The following PTPRT variants were observed in gnomAD, a reference collection of about 807,000 sequenced individuals.
PTPRT encodes the protein protein tyrosine phosphatase receptor type T.
In PTPRT, 56 loss-of-function variants were observed where a neutral mutation model predicts 176.8. The observed-to-expected ratio is 0.32, with a 90% CI of 0.26 to 0.40. The LOEUF (loss-of-function observed/expected upper bound fraction) is 0.40, where lower values mean the gene tolerates loss of function less well. Ranked by LOEUF, PTPRT falls within the 10% of genes least tolerant of loss-of-function variation. The pLI, the probability that PTPRT is intolerant of heterozygous loss-of-function variation, is 1.00. For missense variants in PTPRT, 1,540 were observed against 1,908.2 expected (o/e 0.81, Z 3.60); for synonymous variants, 783 against 739.0 (o/e 1.06, Z -0.96).
the PTPRT span, among the ~76,000 whole-genome samples, chr20:42,064,501 G>T: frequency 1.3e-5 from 2 of 152,042 alleles, no homozygotes; most frequent in East Asian, 3.9e-4. Context: ...TGCTGCTATT[G>T]TGAGTGTAAT....
At chr20:43,001,058 C>T (rs552706499) in intron 1 of PTPRT, among the ~76,000 whole-genome samples, 1 of 152,226 alleles carries the variant, frequency 6.6e-6, no homozygotes, top group African/African-American at 2.4e-5. Context: ...TATTATTCTT[C>T]ACCCAGCCAA....
At chr20:42,589,187 C>T (rs2073525440) in intron 7 of PTPRT, among the ~76,000 whole-genome samples, 1 of 152,216 alleles carries the variant, frequency 6.6e-6, no homozygotes, top group Admixed American at 6.5e-5. Flanking sequence ...AGGCACTTCA[C>T]TGCCCATCAG....
At chr20:42,854,523 C>T (rs181981108) in intron 2 of PTPRT, among the ~76,000 whole-genome samples, 14 of 152,324 alleles carry the variant, frequency 9.2e-5, no homozygotes, top group East Asian at 3.9e-4. Flanking sequence ...CCTAACACCA[C>T]CTGACATGTG....
At chr20:42,599,217 T>C (rs2073731746) in intron 7 of PTPRT, among the ~76,000 whole-genome samples, 1 of 152,056 alleles carries the variant, frequency 6.6e-6, no homozygotes, top group Admixed American at 6.6e-5. Context: ...GACAACTGGG[T>C]GGTGACATTT....
At chr20:42,941,130 G>T (rs1408602967) in intron 1 of PTPRT, among the ~76,000 whole-genome samples, 3 of 151,766 alleles carry the variant, frequency 2.0e-5, no homozygotes, top group Admixed American at 6.6e-5. Flanking sequence ...CTGTTATGCG[G>T]TTCTACCTTG....
chr20:42,971,095 A>G (rs945465431), intron 1 of PTPRT: 1 of 152,236 alleles, frequency 6.6e-6, no homozygotes, highest in Non-Finnish European at 1.5e-5. Context: ...CAACTACTAC[A>G]AATTTCTCCT....
intron 2 of PTPRT, among the ~76,000 whole-genome samples, chr20:42,878,665 T>C (rs1395294067): frequency 6.6e-6 from 1 of 152,164 alleles, no homozygotes; most frequent in Non-Finnish European, 1.5e-5. Context: ...AGACAAAATG[T>C]TGTACAGGAT....
chr20:43,033,038 G>A (rs189437973), intron 1 of PTPRT, among the ~76,000 whole-genome samples: 1 of 152,190 alleles, frequency 6.6e-6, no homozygotes, highest in East Asian at 1.9e-4. Context: ...TGGTGTGTGC[G>A]GTACCTGAGA....
rs529883269 is a variant in PTPRT, at chr20:42,274,536, AGTGTGTGTGTGT to A, written c.2176+7941_2176+7952del. 2.6e-3 allele frequency among the ~76,000 whole-genome samples: 300 copies of A among 113,332 alleles called. 8 individuals are homozygous for A. In the East Asian group the frequency reaches 0.07, roughly 26 times the overall value. 74.4% of individuals were successfully genotyped at this position (113,332 alleles called of 152,430 possible). Reference sequence around the variant, plus strand: ...TCTTTACTGTTTCCAGGCCCTGTACAGTGTGTGTGTGTGTGTGTGTGTGTGTGTGTGTGTGTG... The same window carrying A: ...TCTTTACTGTTTCCAGGCCCTGTACAGTGTGTGTGTGTGTGTGTGTGTGTG... On this transcript the variant is annotated intron_variant, in intron 13 of 30. Coordinates refer to ENST00000373187, the MANE Select transcript of PTPRT (RefSeq NM_007050.6).
chr20:42,179,072 G>A (rs1990410923), intron 16 of PTPRT, among the ~76,000 whole-genome samples: 1 of 152,148 alleles, frequency 6.6e-6, no homozygotes, highest in South Asian at 2.1e-4. Flanking sequence ...TGGCATAGGA[G>A]GCAGGGATCA....
At chr20:42,835,041 C>T (rs1207893873) in intron 2 of PTPRT, among the ~76,000 whole-genome samples, 8 of 151,950 alleles carry the variant, frequency 5.3e-5, no homozygotes, top group African/African-American at 1.2e-4. Flanking sequence ...AAAGTAAACC[C>T]CACACAAAAA....
chr20:42,712,473 A>T (rs1448955355), intron 6 of PTPRT, among the ~76,000 whole-genome samples: 2 of 152,214 alleles, frequency 1.3e-5, no homozygotes, highest in African/African-American at 4.8e-5. Context: ...GACAGTACAC[A>T]TCTGTGCACC....
At chr20:42,757,903 T>C (rs1349414572) in intron 5 of PTPRT, among the ~76,000 whole-genome samples, 4 of 152,250 alleles carry the variant, frequency 2.6e-5, no homozygotes, top group East Asian at 1.9e-4. Flanking sequence ...TGGATATTTA[T>C]CTACTATGTG....
chr20:42,895,927 G>C (rs2079287916), intron 1 of PTPRT, among the ~76,000 whole-genome samples: 2 of 152,066 alleles, frequency 1.3e-5, no homozygotes, highest in Non-Finnish European at 2.9e-5. Flanking sequence ...ATTGCCATTT[G>C]AATGTATGCC....
At chr20:42,453,880 G>A (rs6016801) in intron 8 of PTPRT, among the ~76,000 whole-genome samples, 71,441 of 149,698 alleles carry the variant, frequency 0.48, 17,905 homozygotes, top group Middle Eastern at 0.64. Context: ...TGTATTTTCA[G>A]AAGAGATGGG....
At chr20:42,748,501 C>T (rs142595014) in intron 6 of PTPRT, among the ~76,000 whole-genome samples, 2 of 152,284 alleles carry the variant, frequency 1.3e-5, no homozygotes, top group East Asian at 3.9e-4. Context: ...TGAGCTTGTC[C>T]TCCATGGCTG....
chr20:43,004,817 T>C (rs1334128744), intron 1 of PTPRT, among the ~76,000 whole-genome samples: 2 of 152,246 alleles, frequency 1.3e-5, no homozygotes, highest in East Asian at 3.8e-4. Flanking sequence ...TAAAATACTC[T>C]TGAAATATTT....
chr20:43,183,394 T>C lies in PTPRT; in HGVS notation c.88+6252A>G, dbSNP rs191724749. On this transcript the variant is annotated intron_variant, in intron 1 of 30. Transcript: ENST00000373187. ...CAATGAGGCATCAGTAGCCCCATTTTACAGATGCAGAAAAAAAGATGCAGA... is the reference window on the plus strand; with the variant it reads ...CAATGAGGCATCAGTAGCCCCATTTCACAGATGCAGAAAAAAAGATGCAGA... 2.6e-5 allele frequency among the ~76,000 whole-genome samples: 4 copies of C among 152,306 alleles called. No individual in the cohort carries two copies. In the South Asian group the frequency reaches 8.3e-4, roughly 32 times the overall value.
At chr20:42,055,824 G>T in the PTPRT span, among the ~76,000 whole-genome samples, 1 of 152,206 alleles carries the variant, frequency 6.6e-6, no homozygotes, top group African/African-American at 2.4e-5. Flanking sequence ...TCTGGAACAG[G>T]TGCCTGTTCT....
Sources: allele counts gnomAD v4.1 joint callset (sites outside exome capture counted in the v4.1 genomes callset), GRCh38; gene constraint gnomAD v4.1.1; transcripts MANE v1.5; gene names NCBI Gene and HGNC (gene_info 2026-07-23, HGNC 2026-07-21).